The following SLCO3A1 variants were observed in gnomAD, a reference collection of about 807,000 sequenced individuals.
SLCO3A1 encodes PGE1 transporter.
In SLCO3A1, 27 loss-of-function variants were observed where a neutral mutation model predicts 63.1. That is an observed-to-expected ratio of 0.43 (90% CI 0.32 to 0.59). The LOEUF (loss-of-function observed/expected upper bound fraction) is 0.59. Ranked by LOEUF, SLCO3A1 falls within the 20% of genes least tolerant of loss-of-function variation. The probability of loss-of-function intolerance (pLI) is 0.09; values close to 1 mark genes in which losing one functional copy is unlikely to be tolerated. For missense variants in SLCO3A1, 773 were observed against 945.8 expected (o/e 0.82, Z 2.40); for synonymous variants, 473 against 409.9 (o/e 1.15, Z -1.86).
At chr15:91,984,477 G>C (rs1454103863) in intron 2 of SLCO3A1, among the ~76,000 whole-genome samples, 2 of 152,168 alleles carry the variant, frequency 1.3e-5, no homozygotes, top group Admixed American at 6.5e-5. Context: ...CATACATTCA[G>C]ATAAGAGGTT....
intron 2 of SLCO3A1, among the ~76,000 whole-genome samples, chr15:92,053,547 A>G (rs13379527): frequency 0.16 from 23,804 of 152,126 alleles, 1,940 homozygotes; most frequent in African/African-American, 0.19. Flanking sequence ...TTGAGTCATC[A>G]TGGCTCCTTT....
At chr15:92,076,722 C>T (rs1293690570) in intron 2 of SLCO3A1, among the ~76,000 whole-genome samples, 1 of 152,184 alleles carries the variant, frequency 6.6e-6, no homozygotes, top group Non-Finnish European at 1.5e-5. Context: ...GGAGGGAGGC[C>T]CTGAGCCAGG....
At chr15:92,167,659 T>C (rs1465085391), downstream of SLCO3A1, among the ~76,000 whole-genome samples, 5 of 152,210 alleles carry the variant, frequency 3.3e-5, no homozygotes, top group African/African-American at 1.2e-4. Context: ...TGGTGGAAGA[T>C]GCAAGGCAGA....
chr15:92,017,923 G>A (rs1246598840), intron 2 of SLCO3A1, among the ~76,000 whole-genome samples: 1 of 152,156 alleles, frequency 6.6e-6, no homozygotes, highest in African/African-American at 2.4e-5. Flanking sequence ...TCCTGGAAGG[G>A]CAGGAGGCTC....
At chr15:92,096,682 C>T (rs556693162) in intron 3 of SLCO3A1, among the ~76,000 whole-genome samples, 1 of 152,284 alleles carries the variant, frequency 6.6e-6, no homozygotes, top group Non-Finnish European at 1.5e-5. Flanking sequence ...TTTACTAATT[C>T]ACCCCAAAGA....
In SLCO3A1 at chr15:92,102,871, T is replaced by C. The variant is rs140241099; in HGVS notation, c.746-1408T>C. On this transcript the variant is annotated intron_variant, in intron 3 of 9. Transcript: ENST00000318445. ...GTGAGAGCGTGGACCTTGGCATGTG[T>C]ATACCTGTGTTCCGTTCTTCAGCCC... Among the ~76,000 whole-genome samples, 377 of 152,306 alleles carry C rather than the reference T, an allele frequency of 2.5e-3. 1 individual carries two copies. Among genetic ancestry groups the C allele is most frequent in the African/African-American group, 8.5e-3 (353 of 41,560 alleles).
intron 2 of SLCO3A1, among the ~76,000 whole-genome samples, chr15:91,932,336 C>T (rs766637212): frequency 2.0e-5 from 3 of 152,112 alleles, no homozygotes; most frequent in South Asian, 2.1e-4. Flanking sequence ...CCCTGTGTGC[C>T]CATTTTCCAG....
Position 91,853,934 on chromosome 15 carries a change from C to T in SLCO3A1, c.26C>T (p.Ser9Leu). Residue 9 changes from serine (S) to leucine (L), a missense_variant, in exon 1 of 10, where the codon TCG (serine) becomes TTG (leucine). Physicochemically the swap from Ser to Leu is moderately radical, Grantham distance 145. This residue lies in a region of SLCO3A1 where 69 missense variants were observed against 64.6 expected (regional missense o/e 1.07). Coordinates refer to ENST00000318445, the MANE Select transcript of SLCO3A1 (RefSeq NM_013272.4). MQGKKPGGSSGGGRSGELQ... is the reference protein window; with the variant it reads MQGKKPGGLSGGGRSGELQ... ...ATGCAGGGGAAGAAGCCGGGCGGTT[C>T]GTCGGGCGGCGGCCGGAGCGGCGAG... The T allele has an allele frequency of 5.5e-6, 8 of 1,454,980 alleles. No homozygotes were observed. The highest frequency in any genetic ancestry group is 7.3e-6 in the Non-Finnish European group (8 of 1,095,744). 90.1% of individuals were successfully genotyped at this position (1,454,980 alleles called of 1,614,324 possible).
At chr15:91,961,284 C>G (rs962901550) in intron 2 of SLCO3A1, among the ~76,000 whole-genome samples, 3 of 152,244 alleles carry the variant, frequency 2.0e-5, no homozygotes, top group Non-Finnish European at 2.9e-5. Context: ...ATAGTCAGGA[C>G]TGCCTTGGCA....
intron 2 of SLCO3A1, among the ~76,000 whole-genome samples, chr15:92,001,015 A>G (rs1158010418): frequency 6.6e-6 from 1 of 152,022 alleles, no homozygotes; most frequent in Non-Finnish European, 1.5e-5. Flanking sequence ...TGCCTCCTAA[A>G]TATGCAATTT....
chr15:92,054,568 C>T (rs1366600341), intron 2 of SLCO3A1, among the ~76,000 whole-genome samples: 1 of 152,132 alleles, frequency 6.6e-6, no homozygotes, highest in African/African-American at 2.4e-5. Context: ...AGGTATTAAG[C>T]CCCATATGCA....
chr15:92,079,255 A>T (rs2047314318), intron 2 of SLCO3A1, among the ~76,000 whole-genome samples: 1 of 152,196 alleles, frequency 6.6e-6, no homozygotes, highest in African/African-American at 2.4e-5. Flanking sequence ...ACAGCTTCCA[A>T]GTACCCTCTC....
intron 2 of SLCO3A1, among the ~76,000 whole-genome samples, chr15:92,074,308 G>C (rs2047250685): frequency 6.6e-6 from 1 of 152,208 alleles, no homozygotes; most frequent in Non-Finnish European, 1.5e-5. Context: ...GAGCCATTCA[G>C]TTAACACCAA....
intron 2 of SLCO3A1, among the ~76,000 whole-genome samples, chr15:92,059,232 A>G (rs2047057359): frequency 6.6e-6 from 1 of 152,212 alleles, no homozygotes; most frequent in South Asian, 2.1e-4. Flanking sequence ...GGCCAAAGCC[A>G]GCGTGCTAGA....
At chr15:92,063,423 T>G (rs2047110145) in intron 2 of SLCO3A1, among the ~76,000 whole-genome samples, 1 of 152,210 alleles carries the variant, frequency 6.6e-6, no homozygotes, top group Admixed American at 6.5e-5. Context: ...GACCTGGACA[T>G]GTGTCCTAAC....
intron 2 of SLCO3A1, among the ~76,000 whole-genome samples, chr15:92,055,881 G>T (rs1042093249): frequency 3.9e-5 from 6 of 152,138 alleles, no homozygotes; most frequent in Non-Finnish European, 7.3e-5. Flanking sequence ...AGTCAGATTC[G>T]ATTTGTCTTC....
At chr15:92,137,117 T>TC (rs2048068807) in intron 7 of SLCO3A1, among the ~76,000 whole-genome samples, 1 of 143,292 alleles carries the variant, frequency 7.0e-6, no homozygotes, top group Admixed American at 7.1e-5. Context: ...ATGCTATCCC[T>TC]CCCCCGTCCC....
downstream of SLCO3A1, among the ~76,000 whole-genome samples, chr15:92,167,381 A>T (rs1344599069): frequency 6.6e-6 from 1 of 152,256 alleles, no homozygotes; most frequent in African/African-American, 2.4e-5. Context: ...AATATCTAAG[A>T]GGTGCCAACT....
At chr15:91,988,829 TAC>T (rs1239061193) in intron 2 of SLCO3A1, among the ~76,000 whole-genome samples, 1 of 152,202 alleles carries the variant, frequency 6.6e-6, no homozygotes, top group African/African-American at 2.4e-5. Flanking sequence ...TTCAGTTTCA[TAC>T]AGTTAACGCA....
Sources: allele counts gnomAD v4.1 joint callset (sites outside exome capture counted in the v4.1 genomes callset), GRCh38; gene constraint gnomAD v4.1.1; regional missense constraint gnomAD v4.1.1; transcripts MANE v1.5; gene names NCBI Gene and HGNC (gene_info 2026-07-23, HGNC 2026-07-21).